Variants in NDUFA10 observed in about 807,000 individuals in gnomAD.
NDUFA10 encodes NADH:ubiquinone oxidoreductase subunit A10, also known as NADH dehydrogenase [ubiquinone] 1 alpha subcomplex subunit 10, mitochondrial.
Under a neutral mutation model 47.8 loss-of-function variants are expected in NDUFA10, and 40 were observed. That is an observed-to-expected ratio of 0.84 (90% CI 0.65 to 1.09). The LOEUF (loss-of-function observed/expected upper bound fraction) is 1.09. Among genes scored for constraint, NDUFA10 ranks in the 50% least tolerant of loss-of-function variants. The probability of loss-of-function intolerance (pLI) is 0.00; values close to 1 mark genes in which losing one functional copy is unlikely to be tolerated. For synonymous variants in NDUFA10, 183 were observed against 172.2 expected, an observed-to-expected ratio of 1.06 and a Z score of -0.49; for missense variants, 413 against 451.1, an observed-to-expected ratio of 0.92 and a Z score of 0.76.
chr2:239,908,479 A>G (rs113535960), intron 4 of NDUFA10, among the ~76,000 whole-genome samples: 1 of 152,304 alleles, frequency 6.6e-6, no homozygotes, highest in African/African-American at 2.4e-5. Context: ...CTTGAGAGTC[A>G]GGGCCCCACC....
intron 8 of NDUFA10, among the ~76,000 whole-genome samples, chr2:239,994,369 C>T (rs1696382095): frequency 6.6e-6 from 1 of 151,862 alleles, no homozygotes; most frequent in Admixed American, 6.6e-5. Context: ...GGAGCACAAA[C>T]CCTATTGTGA....
At chr2:239,898,090 A>G (rs942456406) in intron 4 of NDUFA10, among the ~76,000 whole-genome samples, 22 of 152,302 alleles carry the variant, frequency 1.4e-4, no homozygotes, top group East Asian at 9.6e-4. Context: ...ACCGGGGCCC[A>G]GCTCACAGAT....
chr2:239,914,026 A>T (rs1334569915), intron 4 of NDUFA10, among the ~76,000 whole-genome samples: 2 of 152,236 alleles, frequency 1.3e-5, no homozygotes, highest in Non-Finnish European at 2.9e-5. Context: ...TTAGCACAGG[A>T]CAGCACAAAA....
In NDUFA10 at chr2:240,011,661, C is replaced by T. The variant is rs1697150489; in HGVS notation, c.705G>A (p.Gln235=). Residue 235 remains glutamine, a synonymous_variant, in exon 6 of 10, where the codon CAG becomes CAA. Transcript: ENST00000252711. ...TTTTCTTATAGGCATTCTCAATGTC[C>T]TGTAGATAGGCAGAGGTGATCTTCA... ...HEMKITSAYL[Q]DIENAYKKTF... 1.2e-6 allele frequency: 2 copies of T among 1,613,730 alleles called. No homozygotes were observed. The highest frequency in any genetic ancestry group is 1.7e-6 in the Non-Finnish European group (2 of 1,179,632).
intron 6 of NDUFA10, among the ~76,000 whole-genome samples, chr2:240,010,857 G>GT (rs1226616052): frequency 7.4e-6 from 1 of 134,510 alleles, no homozygotes; most frequent in Admixed American, 6.9e-5. Context: ...CTATACTTTT[G>GT]TTTTTATTCA....
intron 4 of NDUFA10, among the ~76,000 whole-genome samples, chr2:239,904,372 A>C (rs10804403): frequency 0.31 from 47,138 of 152,070 alleles, 7,580 homozygotes; most frequent in Middle Eastern, 0.36. Context: ...ATTCTGGCTC[A>C]CTGCAACCTC....
chr2:239,963,140 C>G (rs993595562), intron 9 of NDUFA10, among the ~76,000 whole-genome samples: 3 of 152,184 alleles, frequency 2.0e-5, no homozygotes, highest in Admixed American at 2.0e-4. Context: ...CAGGAGAATT[C>G]TGGGACACAC....
chr2:240,018,430 G>A, intron 4 of NDUFA10, 123 bp downstream of exon 4: 1 of 1,582,122 alleles, frequency 6.3e-7, no homozygotes, highest in Non-Finnish European at 8.6e-7. Context: ...GACCGATTAA[G>A]TAATGGCATT....
rs138648153 is a variant in NDUFA10, at chr2:239,949,346, A to G, written c.294+40728T>C. Among the ~76,000 whole-genome samples the G allele has an allele frequency of 2.0e-5, 3 of 152,188 alleles. No homozygotes were observed. In the East Asian group the frequency reaches 5.8e-4, roughly 30 times the overall value. On this transcript the variant is annotated intron_variant, in intron 4 of 5. Coordinates refer to the NDUFA10 transcript ENST00000419408. The stretch of plus-strand genomic sequence containing the variant: ...CAGCTGCCCAGGTATTTGGTCAAAC[A>G]AGATTTTTGGGGTGTATCTGTGGGG...
intron 4 of NDUFA10, among the ~76,000 whole-genome samples, chr2:240,015,138 G>A (rs1254866292): frequency 6.6e-6 from 1 of 152,224 alleles, no homozygotes; most frequent in Non-Finnish European, 1.5e-5. Context: ...CCAAAGGTCT[G>A]AGGCCCAGAG....
At chr2:240,018,782 T>A in intron 3 of NDUFA10, 143 bp from the exon 4 acceptor site, 1 of 938,586 alleles carries the variant, frequency 1.1e-6, no homozygotes, top group Non-Finnish European at 1.7e-6. Context: ...AACATAGACA[T>A]ATTTGTAAGT....
chr2:239,893,059 C>A (rs1324165574), intron 5 of NDUFA10, among the ~76,000 whole-genome samples: 1 of 152,138 alleles, frequency 6.6e-6, no homozygotes, highest in East Asian at 1.9e-4. Context: ...TAGCCAGCAA[C>A]AGGAAACTAG....
downstream of NDUFA10, among the ~76,000 whole-genome samples, chr2:239,955,513 G>C (rs374839162): frequency 6.6e-6 from 1 of 152,196 alleles, no homozygotes; most frequent in Non-Finnish European, 1.5e-5. Context: ...CAGTGGTCCA[G>C]ACCCACTCCC....
chr2:239,997,004 A>G (rs1213760371), intron 8 of NDUFA10, among the ~76,000 whole-genome samples: 1 of 152,032 alleles, frequency 6.6e-6, no homozygotes, highest in African/African-American at 2.4e-5. Context: ...TACAATGTAA[A>G]TGCTATATAA....
intron 3 of NDUFA10, 129 bp downstream of exon 3, chr2:240,021,068 T>C (rs1574901094): frequency 1.3e-6 from 1 of 757,766 alleles, no homozygotes; most frequent in Non-Finnish European, 2.3e-6. Context: ...CATGATCTTG[T>C]TGGAAAGACA....
chr2:239,913,998 A>T (rs1052387223), intron 4 of NDUFA10, among the ~76,000 whole-genome samples: 5 of 152,230 alleles, frequency 3.3e-5, no homozygotes, highest in Admixed American at 6.5e-5. Flanking sequence ...GTGGGCAGGA[A>T]CTGAGGCGGA....
At position 239,924,087 on chromosome 2, in the gene NDUFA10, C is replaced by T. The variant is rs77646061; in HGVS notation, c.295-28773G>A. Among the ~76,000 whole-genome samples, 38 of 152,082 alleles carry T rather than the reference C, an allele frequency of 2.5e-4. No individual in the cohort carries two copies. The South Asian group carries it at 7.7e-3, about 31-fold the overall frequency. On this transcript the variant is annotated intron_variant, in intron 4 of 5. Coordinates refer to the NDUFA10 transcript ENST00000419408. ...AAAGCTTCTTTAAAAGTCTCCATGC[C>T]CAGGTGGTATCAGTGGAGAATTCTA...
chr2:240,021,708 C>A (rs1025993648), intron 2 of NDUFA10, among the ~76,000 whole-genome samples: 1 of 152,218 alleles, frequency 6.6e-6, no homozygotes, highest in Non-Finnish European at 1.5e-5. Context: ...TGCTGTCATG[C>A]AGGTGCTACA....
intron 9 of NDUFA10, among the ~76,000 whole-genome samples, chr2:239,978,252 A>C (rs953038850): frequency 6.6e-6 from 1 of 152,130 alleles, no homozygotes; most frequent in Non-Finnish European, 1.5e-5. Context: ...AAACAAGACA[A>C]AATAACAAGC....
Sources: allele counts gnomAD v4.1 joint callset (sites outside exome capture counted in the v4.1 genomes callset), GRCh38; gene constraint gnomAD v4.1.1; transcripts MANE v1.5; gene names NCBI Gene and HGNC (gene_info 2026-07-23, HGNC 2026-07-21).